Variants in ABCC1 observed in about 807,000 individuals in gnomAD.
The protein encoded by ABCC1 is multidrug resistance-associated protein 1.
Under a neutral mutation model 172.9 loss-of-function variants are expected in ABCC1, and 83 were observed. The observed-to-expected ratio is 0.48, with a 90% CI of 0.40 to 0.58. ABCC1 has a LOEUF of 0.58. ABCC1 is among the 20% of genes least tolerant of loss of function. ABCC1 has a pLI of 0.00. For missense variants in ABCC1, 1,817 were observed against 2,002.7 expected (o/e 0.91, Z 1.77); for synonymous variants, 937 against 825.2 (o/e 1.14, Z -2.32).
At chr16:15,990,113 G>C (rs1244369304) in intron 1 of ABCC1, among the ~76,000 whole-genome samples, 3 of 152,002 alleles carry the variant, frequency 2.0e-5, no homozygotes, top group Non-Finnish European at 4.4e-5. Context: ...GGAGTACAGT[G>C]GTGCGATCTC....
At chr16:15,964,451 A>G (rs2046202237) in intron 1 of ABCC1, among the ~76,000 whole-genome samples, 1 of 152,264 alleles carries the variant, frequency 6.6e-6, no homozygotes, top group Admixed American at 6.5e-5. Context: ...ATCACCTCCC[A>G]TGATGTCCCT....
chr16:16,068,146 C>G lies in ABCC1; in HGVS notation c.1678-10C>G. ...GGCACAGCAGTCAGCACTGGGCGTT[C>G]TGCTTGCAGGTGGCCTTGTGCACAT... On this transcript the variant is annotated splice_polypyrimidine_tract_variant and intron_variant, in intron 12 of 30. Transcript: ENST00000399410. 6.2e-7 allele frequency: 1 copy of G among 1,614,008 alleles called. No homozygotes were observed. Among genetic ancestry groups the G allele is most frequent in the Non-Finnish European group, 8.5e-7 (1 of 1,180,018 alleles).
At position 16,006,195 on chromosome 16, in the gene ABCC1, C is replaced by T. The variant is rs545497949; in HGVS notation, c.49-1621C>T. Among the ~76,000 whole-genome samples, 11 of 151,752 alleles carry T rather than the reference C, an allele frequency of 7.2e-5. No individual in the cohort carries two copies. In the South Asian group the frequency reaches 1.0e-3, roughly 14 times the overall value. ...TGTGGTGGAGATAGGAAATTGAGAC[C>T]CCAAAAAGGGTAGTAAGTTTTCCCA... On this transcript the variant is annotated intron_variant, in intron 1 of 30. Transcript: ENST00000399410.
intron 1 of ABCC1, among the ~76,000 whole-genome samples, chr16:15,986,618 G>A (rs562849985): frequency 1.3e-5 from 2 of 152,328 alleles, no homozygotes; most frequent in South Asian, 2.1e-4. Context: ...TGGCAAAACT[G>A]TCTTCCATGA....
intron 7 of ABCC1, among the ~76,000 whole-genome samples, chr16:16,038,683 C>T (rs986732760): frequency 6.6e-5 from 10 of 152,192 alleles, no homozygotes; most frequent in African/African-American, 2.4e-4. Context: ...TTAACCCAGT[C>T]AACTTGACCC....
chr16:15,965,348 G>A (rs746260624), intron 1 of ABCC1, among the ~76,000 whole-genome samples: 18 of 151,612 alleles, frequency 1.2e-4, no homozygotes, highest in Non-Finnish European at 1.9e-4. Flanking sequence ...CTGAAGTGCA[G>A]TGGTGCGACC....
intron 1 of ABCC1, among the ~76,000 whole-genome samples, chr16:15,955,646 T>C (rs910667045): frequency 2.0e-5 from 3 of 152,160 alleles, no homozygotes; most frequent in Non-Finnish European, 4.4e-5. Flanking sequence ...ACCTACTATG[T>C]CCCTCACCTT....
intron 1 of ABCC1, among the ~76,000 whole-genome samples, chr16:15,968,666 C>T (rs542169262): frequency 1.6e-4 from 24 of 152,220 alleles, no homozygotes; most frequent in African/African-American, 4.8e-4. Flanking sequence ...TCTAAGCCAC[C>T]GTGCCCAGCC....
intron 13 of ABCC1, among the ~76,000 whole-genome samples, chr16:16,069,030 G>A (rs1262017281): frequency 2.0e-5 from 3 of 150,056 alleles, no homozygotes; most frequent in South Asian, 2.1e-4. Flanking sequence ...CCTTACGGCC[G>A]GGCATGATGG....
At chr16:16,041,785 A>C (rs246228) in intron 7 of ABCC1, among the ~76,000 whole-genome samples, 61,196 of 151,768 alleles carry the variant, frequency 0.4, 14,080 homozygotes, top group African/African-American at 0.64. Context: ...CTCTTCACCC[A>C]TGAGTGACTC....
At chr16:16,019,511 G>A (rs1298572943) in intron 5 of ABCC1, among the ~76,000 whole-genome samples, 2 of 152,148 alleles carry the variant, frequency 1.3e-5, no homozygotes, top group South Asian at 4.1e-4. Context: ...GGGCTGCCTG[G>A]CTGGCGTGGG....
intron 19 of ABCC1, among the ~76,000 whole-genome samples, chr16:16,100,773 A>C (rs2051704081): frequency 6.6e-6 from 1 of 152,050 alleles, no homozygotes; most frequent in African/African-American, 2.4e-5. Flanking sequence ...GTCTCGTTTC[A>C]CCCTCTCGCA....
intron 1 of ABCC1, among the ~76,000 whole-genome samples, chr16:15,996,011 G>A (rs1021128291): frequency 4.0e-5 from 5 of 124,210 alleles, no homozygotes; most frequent in Admixed American, 3.8e-4. Context: ...TTGAGATGCA[G>A]TCTCACTCTT....
chr16:16,046,932 T>G (rs2049235413), intron 9 of ABCC1, among the ~76,000 whole-genome samples: 1 of 151,778 alleles, frequency 6.6e-6, no homozygotes, highest in South Asian at 2.1e-4. Flanking sequence ...CTGTAGCTCA[T>G]GCCTGTAATC....
chr16:16,003,169 T>C (rs1322881264), intron 1 of ABCC1, among the ~76,000 whole-genome samples: 2 of 152,052 alleles, frequency 1.3e-5, no homozygotes, highest in African/African-American at 2.4e-5. Context: ...GATGGATTGA[T>C]GGGTGAATGA....
Position 16,090,588 on chromosome 16 carries a change from G to A in ABCC1, c.2644G>A (p.Gly882Arg), listed in dbSNP as rs777013039. The change falls in exon 19 of 31, where the codon GGG becomes AGG. Residue 882 changes from glycine to arginine, a missense_variant and splice_region_variant. Physicochemically the swap from Gly to Arg is moderately radical, Grantham distance 125. Coordinates refer to ENST00000399410, the MANE Select transcript of ABCC1 (RefSeq NM_004996.4). ...TEQEQDAEENGVTGVSGPGKE... is the reference protein window; with the variant it reads ...TEQEQDAEENRVTGVSGPGKE... ...GCAGGAGCAGGATGCAGAGGAGAAC[G>A]GTAGGGGCAGCCCCAGGGTTCCACC... The A allele has an allele frequency of 1.9e-6, 3 of 1,583,404 alleles. No individual in the cohort carries two copies. The highest frequency in any genetic ancestry group is 2.6e-6 in the Non-Finnish European group (3 of 1,159,644).
rs117065502 is a variant in ABCC1 at position 15,955,066 on chromosome 16, T to A, written c.48+5267T>A. 3.8e-3 allele frequency among the ~76,000 whole-genome samples: 582 copies of A among 152,232 alleles called. 2 individuals carry two copies. The highest frequency in any genetic ancestry group is 0.024 in the Middle Eastern group (7 of 294). ...TTGGCCAGTTTCTGGATTTGAACAG[T>A]CACCTCAGTCCAGGCGCCGTGGCTC... On this transcript the variant is annotated intron_variant, in intron 1 of 30. Coordinates refer to ENST00000399410, the MANE Select transcript of ABCC1 (RefSeq NM_004996.4).
intron 3 of ABCC1, among the ~76,000 whole-genome samples, chr16:16,012,299 C>T (rs1007600460): frequency 1.3e-5 from 2 of 152,168 alleles, no homozygotes; most frequent in Non-Finnish European, 2.9e-5. Flanking sequence ...TGTAGCCTGG[C>T]ACCTGCTTTA....
At chr16:16,098,945 A>T in intron 19 of ABCC1, 1 of 1,347,662 alleles carries the variant, frequency 7.4e-7, no homozygotes, top group Non-Finnish European at 9.8e-7. Flanking sequence ...TCATAGAATG[A>T]GGCCAGAGAC....
Sources: allele counts gnomAD v4.1 joint callset (sites outside exome capture counted in the v4.1 genomes callset), GRCh38; gene constraint gnomAD v4.1.1; transcripts MANE v1.5; gene names NCBI Gene and HGNC (gene_info 2026-07-23, HGNC 2026-07-21).